The following CAPZA1 variants were observed in gnomAD, a reference collection of about 807,000 sequenced individuals.
CAPZA1 encodes the protein F-actin-capping protein subunit alpha-1.
Under a neutral mutation model 40.8 loss-of-function variants are expected in CAPZA1, and 10 were observed. That is an observed-to-expected ratio of 0.25 (90% CI 0.15 to 0.42). The LOEUF is 0.42. Among genes scored for constraint, CAPZA1 ranks in the 10% least tolerant of loss-of-function variants. The pLI, the probability that CAPZA1 is intolerant of heterozygous loss-of-function variation, is 1.00. For missense variants in CAPZA1, 277 were observed against 353.8 expected (o/e 0.78, Z 1.74); for synonymous variants, 98 against 115.0 (o/e 0.85, Z 0.95).
chr1:112,655,582 A>T (rs1228002198), intron 5 of CAPZA1, among the ~76,000 whole-genome samples: 1 of 151,772 alleles, frequency 6.6e-6, no homozygotes, highest in South Asian at 2.1e-4. Context: ...TTGTTTTTTG[A>T]GACTAAGTCT....
chr1:112,657,585 AC>A (rs1671523654), intron 5 of CAPZA1, among the ~76,000 whole-genome samples: 1 of 149,620 alleles, frequency 6.7e-6, no homozygotes, highest in African/African-American at 2.4e-5. Flanking sequence ...GCTGTCAGCA[AC>A]CCCTAATTCT....
chr1:112,632,288 A>G (rs1670934013), intron 1 of CAPZA1, among the ~76,000 whole-genome samples: 2 of 152,322 alleles, frequency 1.3e-5, no homozygotes, highest in Admixed American at 6.5e-5. Context: ...ATCCTGGGTG[A>G]CATCTCAAAA....
At chr1:112,636,759 A>G (rs1399437551) in intron 1 of CAPZA1, among the ~76,000 whole-genome samples, 1 of 152,154 alleles carries the variant, frequency 6.6e-6, no homozygotes, top group Non-Finnish European at 1.5e-5. Flanking sequence ...ACCCTTGAGA[A>G]TGATTGACTA....
intron 1 of CAPZA1, among the ~76,000 whole-genome samples, chr1:112,640,084 A>G (rs1460928669): frequency 4.8e-5 from 5 of 103,452 alleles, no homozygotes; most frequent in Admixed American, 9.3e-5. Context: ...GGCCGCCCCT[A>G]CTGGGAAGTG....
chr1:112,659,712 G>A lies in CAPZA1; in HGVS notation c.518G>A (p.Trp173Ter). 1 of 1,612,740 alleles carries A rather than the reference G, an allele frequency of 6.2e-7. No individual in the cohort carries two copies. The highest frequency in any genetic ancestry group is 8.5e-7 in the Non-Finnish European group (1 of 1,179,586). The change falls in exon 7 of 10, where the codon TGG becomes TAG. Residue 173 changes from tryptophan (W) to a stop codon, truncating the protein, a stop_gained. Transcript: ENST00000263168. LOFTEE classifies it high-confidence loss of function. ...GTGTGTTTTAATAGGAATGGTCGTT[G>A]GAGATCAGAGTGGAAGTTCACCATC... Reference protein sequence around the residue: ...FQPKNFWNGRWRSEWKFTITP... With the variant: ...FQPKNFWNGR
intron 7 of CAPZA1, among the ~76,000 whole-genome samples, chr1:112,665,653 G>T (rs144898889): frequency 6.6e-6 from 1 of 152,182 alleles, no homozygotes; most frequent in African/African-American, 2.4e-5. Context: ...GCATTCTCAC[G>T]TGACAGAAGG....
intron 1 of CAPZA1, among the ~76,000 whole-genome samples, chr1:112,627,961 A>G (rs1186487107): frequency 6.8e-6 from 1 of 146,590 alleles, no homozygotes; most frequent in Non-Finnish European, 1.5e-5. Context: ...ACTCTGTCTC[A>G]AAAAAAAAAA....
Position 112,670,229 on chromosome 1 carries a change from C to T in CAPZA1, c.*97C>T. ...ATTTATAAACAAGAGTGATATTTTGCTAGGGCTTTCAAAGTTAACCGGTTT... is the reference window on the plus strand; with the variant it reads ...ATTTATAAACAAGAGTGATATTTTGTTAGGGCTTTCAAAGTTAACCGGTTT... On this transcript the variant is annotated 3_prime_UTR_variant, in exon 10 of 10. Transcript: ENST00000263168. 1.4e-6 allele frequency: 2 copies of T among 1,430,648 alleles called. No homozygotes were observed. The highest frequency in any genetic ancestry group is 2.3e-5 in the East Asian group (1 of 42,698). 88.6% of individuals were successfully genotyped at this position (1,430,648 alleles called of 1,614,324 possible). A position where few individuals can be genotyped will look rare whatever the true frequency, so the allele number is the denominator to read the frequency against.
chr1:112,647,736 C>T (rs1671309781), intron 2 of CAPZA1, among the ~76,000 whole-genome samples: 4 of 152,314 alleles, frequency 2.6e-5, no homozygotes, highest in East Asian at 1.9e-4. Context: ...TCAAGATTCA[C>T]ATTCATTAGA....
rs1309255878 is a variant in CAPZA1 at position 112,649,455 on chromosome 1, G to T, written c.141G>T (p.Arg47Ser). The T allele has an allele frequency of 6.2e-7, 1 of 1,611,834 alleles. No homozygotes were observed. Among genetic ancestry groups the T allele is most frequent in the Admixed American group, 1.7e-5 (1 of 59,920 alleles). ...TACTTAATAATGACAATCTCCTCAGGGAAGGGGCAGCACAGTAAGTATCTT... is the reference window on the plus strand; with the variant it reads ...TACTTAATAATGACAATCTCCTCAGTGAAGGGGCAGCACAGTAAGTATCTT... ...RLLLNNDNLL[R>S]EGAAHAFAQY... The change falls in exon 3 of 10, where the codon AGG becomes AGT. Residue 47 changes from arginine to serine, a missense_variant. By Grantham distance (110) the Arg-to-Ser change is moderately radical (BLOSUM62 -1). Transcript: ENST00000263168.
At chr1:112,664,114 C>G (rs977827096) in intron 7 of CAPZA1, among the ~76,000 whole-genome samples, 1 of 152,012 alleles carries the variant, frequency 6.6e-6, no homozygotes, top group South Asian at 2.1e-4. Context: ...CACCTGTAGT[C>G]CCAGCTACGT....
intron 4 of CAPZA1, among the ~76,000 whole-genome samples, chr1:112,654,013 G>A (rs2101172782): frequency 6.6e-6 from 1 of 152,184 alleles, no homozygotes; most frequent in South Asian, 2.1e-4. Context: ...ATTACTTTAG[G>A]ATTTTGGTGG....
intron 5 of CAPZA1, among the ~76,000 whole-genome samples, chr1:112,655,289 G>A (rs1671473831): frequency 6.6e-6 from 1 of 152,120 alleles, no homozygotes; most frequent in Non-Finnish European, 1.5e-5. Context: ...AGACCAGCCT[G>A]GCCAACATGG....
intron 1 of CAPZA1, among the ~76,000 whole-genome samples, chr1:112,628,431 T>A (rs1202871053): frequency 1.3e-5 from 2 of 152,204 alleles, no homozygotes; most frequent in African/African-American, 4.8e-5. Flanking sequence ...AAAACTGGAA[T>A]AACAATTTAA....
intron 3 of CAPZA1, among the ~76,000 whole-genome samples, chr1:112,651,428 G>T (rs2101168531): frequency 6.6e-6 from 1 of 152,292 alleles, no homozygotes; most frequent in Non-Finnish European, 1.5e-5. Context: ...GCTACTGGTT[G>T]GACTAGAGTG....
At chr1:112,668,983 TC>T (rs1671777497) in intron 8 of CAPZA1, among the ~76,000 whole-genome samples, 1 of 152,196 alleles carries the variant, frequency 6.6e-6, no homozygotes, top group Non-Finnish European at 1.5e-5. Context: ...CCTACCCTCT[TC>T]CCTTTAATTC....
chr1:112,624,984 C>T (rs1670778072), intron 1 of CAPZA1, among the ~76,000 whole-genome samples: 1 of 152,130 alleles, frequency 6.6e-6, no homozygotes, highest in Admixed American at 6.6e-5. Flanking sequence ...AGCATAGTGC[C>T]AAGCACACAG....
chr1:112,648,135 A>T (rs1055831578), intron 2 of CAPZA1, among the ~76,000 whole-genome samples: 2 of 152,138 alleles, frequency 1.3e-5, no homozygotes, highest in African/African-American at 4.8e-5. Flanking sequence ...CTTTATTGCT[A>T]AAATTGGAAA....
intron 1 of CAPZA1, among the ~76,000 whole-genome samples, chr1:112,625,688 G>T (rs1462408332): frequency 6.6e-6 from 1 of 152,314 alleles, no homozygotes; most frequent in African/African-American, 2.4e-5. Flanking sequence ...CAGAAACATT[G>T]TGTTCACAGG....
Sources: gnomAD v4.1 joint callset for allele counts (sites outside exome capture counted in the v4.1 genomes callset) on GRCh38, gnomAD v4.1.1 for gene constraint, MANE v1.5 for transcripts, NCBI Gene and HGNC (gene_info 2026-07-23, HGNC 2026-07-21) for gene names.